Variants in EIF3A observed in about 807,000 individuals in gnomAD.
The protein encoded by EIF3A is eukaryotic translation initiation factor 3 subunit A.
A neutral mutation model predicts 186.6 loss-of-function variants in EIF3A; 21 were observed. The ratio of observed to expected loss-of-function variants is 0.11; its 90% confidence interval spans 0.08 to 0.16. The LOEUF is 0.16. Ranked by LOEUF, EIF3A falls within the 10% of genes least tolerant of loss-of-function variation. The pLI is 1.00. For missense variants in EIF3A, 1,306 were observed against 1,796.3 expected, an observed-to-expected ratio of 0.73 and a Z score of 4.93; for synonymous variants, 563 against 584.3, an observed-to-expected ratio of 0.96 and a Z score of 0.52.
At chr10:119,080,463 A>T (rs1251329478) in intron 1 of EIF3A, 165 bp downstream of exon 1, 1 of 985,248 alleles carries the variant, frequency 1.0e-6, no homozygotes, top group East Asian at 1.1e-4. Context: ...ATAGAGTGAG[A>T]AGGAAACCCA....
At chr10:119,050,384 G>C in intron 16 of EIF3A, 137 bp downstream of exon 16, 1 of 809,266 alleles carries the variant, frequency 1.2e-6, no homozygotes. Flanking sequence ...AGCAAACTGG[G>C]TTCTGAGATC....
At position 119,080,709 on chromosome 10, in the gene EIF3A, C is replaced by T. The variant is rs748702045; in HGVS notation, c.-33G>A. On this transcript the variant is annotated 5_prime_UTR_variant, in exon 1 of 22. Coordinates refer to ENST00000369144, the MANE Select transcript of EIF3A (RefSeq NM_003750.4). ...GCAGGCTCAGCTCACCCGGCGTCAG[C>T]GAACTCTCTAGTGGCCCGGGCCGGG... 1.3e-6 allele frequency: 2 copies of T among 1,577,148 alleles called. No individual in the cohort carries two copies. The highest frequency in any genetic ancestry group is 1.7e-6 in the Non-Finnish European group (2 of 1,162,816).
chr10:119,048,348 G>C (rs758081459), intron 17 of EIF3A, among the ~76,000 whole-genome samples: 1 of 152,114 alleles, frequency 6.6e-6, no homozygotes, highest in African/African-American at 2.4e-5. Context: ...TGTAGGAAAA[G>C]AAAGAAGGAA....
chr10:119,048,709 T>C (rs946823530), intron 17 of EIF3A, among the ~76,000 whole-genome samples: 1 of 151,864 alleles, frequency 6.6e-6, no homozygotes, highest in Non-Finnish European at 1.5e-5. Flanking sequence ...TCTTGCTCTG[T>C]CACCCAGGCT....
At chr10:119,054,953 T>C (rs1303586912) in intron 14 of EIF3A, among the ~76,000 whole-genome samples, 1 of 152,226 alleles carries the variant, frequency 6.6e-6, no homozygotes, top group Non-Finnish European at 1.5e-5. Context: ...CTCACGCCTA[T>C]AATCCCAGCA....
chr10:119,042,700 C>G lies in EIF3A; in HGVS notation c.2820G>C (p.Leu940=), dbSNP rs376194051. Residue 940 remains leucine (L), a synonymous_variant, in exon 19 of 22, where the codon CTG becomes CTC. Coordinates refer to ENST00000369144, the MANE Select transcript of EIF3A (RefSeq NM_003750.4). This position sits in a 1 kb window ranked among gnomAD's most constrained non-coding sequence, Gnocchi z 7.8. ...HRRDEERPRR[L]GDDEDREPSL... ...AGGGCTCTCTATCTTCATCATCCCCCAGACGCCGGGGCCGCTCTTCATCTC... is the reference window on the plus strand; with the variant it reads ...AGGGCTCTCTATCTTCATCATCCCCGAGACGCCGGGGCCGCTCTTCATCTC... The G allele has an allele frequency of 9.3e-6, 15 of 1,614,008 alleles. No individual in the cohort carries two copies. The highest frequency in any genetic ancestry group is 2.7e-5 in the African/African-American group (2 of 74,942).
intron 6 of EIF3A, among the ~76,000 whole-genome samples, chr10:119,067,089 G>A (rs558944518): frequency 2.8e-4 from 43 of 151,996 alleles, no homozygotes; most frequent in Non-Finnish European, 4.7e-4. Flanking sequence ...GGTGGCGCAC[G>A]CCTGTAATCC....
intron 6 of EIF3A, among the ~76,000 whole-genome samples, chr10:119,068,578 A>G (rs1844017036): frequency 6.6e-6 from 1 of 152,298 alleles, no homozygotes; most frequent in Non-Finnish European, 1.5e-5. Context: ...CAGGAAGCTG[A>G]GGCAGGAGAA....
intron 19 of EIF3A, among the ~76,000 whole-genome samples, chr10:119,040,084 G>C (rs929320251): frequency 6.6e-6 from 1 of 152,238 alleles, no homozygotes; most frequent in East Asian, 1.9e-4. Flanking sequence ...AATGAAGTGA[G>C]ACTAGAAGAG....
At chr10:119,061,080 G>A (rs1469687271) in intron 8 of EIF3A, 144 bp downstream of exon 8, 13 of 563,414 alleles carry the variant, frequency 2.3e-5, no homozygotes, top group Non-Finnish European at 3.7e-5. Flanking sequence ...CTTTTCTCTT[G>A]AAATAAAGAA....
rs1299617895 is a variant in EIF3A, at chr10:119,042,640, A to G, written c.2880T>C (p.Arg960=). ...TAGGGCCTCTGTCATCATCCATGCCACGCCGGGGAACCCGATCATCGTCTG... is the reference window on the plus strand; with the variant it reads ...TAGGGCCTCTGTCATCATCCATGCCGCGCCGGGGAACCCGATCATCGTCTG... The part of the protein sequence containing the change: ...LRPDDDRVPR[R]GMDDDRGPRR... The change falls in exon 19 of 22, where the codon CGT becomes CGC. Residue 960 remains arginine, a synonymous_variant. Coordinates refer to ENST00000369144, the MANE Select transcript of EIF3A (RefSeq NM_003750.4). This position sits in a 1 kb window ranked among gnomAD's most constrained non-coding sequence, Gnocchi z 7.8. 1.9e-6 allele frequency: 3 copies of G among 1,613,910 alleles called. No individual in the cohort carries two copies. Among genetic ancestry groups the G allele is most frequent in the African/African-American group, 2.7e-5 (2 of 74,856 alleles).
intron 7 of EIF3A, among the ~76,000 whole-genome samples, chr10:119,062,311 A>G (rs1316384650): frequency 6.6e-6 from 1 of 152,208 alleles, no homozygotes; most frequent in Non-Finnish European, 1.5e-5. Flanking sequence ...ATAATCTACT[A>G]AATTATATTT....
chr10:119,070,561 TA>T (rs1421427280), intron 5 of EIF3A, among the ~76,000 whole-genome samples: 1 of 109,404 alleles, frequency 9.1e-6, no homozygotes, highest in Non-Finnish European at 2.2e-5. Flanking sequence ...ACTCTATACT[TA>T]TTTCATCACA....
At chr10:119,069,168 A>C (rs1199784447) in intron 6 of EIF3A, among the ~76,000 whole-genome samples, 1 of 151,160 alleles carries the variant, frequency 6.6e-6, no homozygotes, top group Non-Finnish European at 1.5e-5. Context: ...CCAACTACTA[A>C]AGTCCAAGAA....
chr10:119,065,275 T>C, intron 7 of EIF3A, 124 bp downstream of exon 7: 1 of 714,454 alleles, frequency 1.4e-6, no homozygotes, highest in Non-Finnish European at 2.4e-6. Context: ...CACCAGTGCT[T>C]CCCTGTCCAT....
At chr10:119,050,423 T>G (rs1213566139) in intron 16 of EIF3A, 98 bp downstream of exon 16, 7 of 1,270,186 alleles carry the variant, frequency 5.5e-6, no homozygotes, top group Non-Finnish European at 7.7e-6. Context: ...AAAGGCCAAT[T>G]ACCTTGATTC....
At chr10:119,047,495 A>T (rs559922245) in intron 17 of EIF3A, among the ~76,000 whole-genome samples, 33 of 152,332 alleles carry the variant, frequency 2.2e-4, no homozygotes, top group African/African-American at 7.2e-4. Context: ...AACAGAAACA[A>T]GAGGCTGAAA....
intron 1 of EIF3A, among the ~76,000 whole-genome samples, chr10:119,074,490 A>G (rs898051007): frequency 1.3e-5 from 2 of 151,864 alleles, no homozygotes; most frequent in African/African-American, 4.8e-5. Context: ...TAAAATAAAT[A>G]ATGTGTCGGT....
intron 18 of EIF3A, among the ~76,000 whole-genome samples, chr10:119,043,236 T>C (rs774901390): frequency 1.3e-5 from 2 of 152,032 alleles, no homozygotes; most frequent in Non-Finnish European, 1.5e-5. Context: ...CTGGCCAACA[T>C]AGTGAAACCT....
Sources: gnomAD v4.1 joint callset for allele counts (sites outside exome capture counted in the v4.1 genomes callset) on GRCh38, gnomAD v4.1.1 for gene constraint, Gnocchi (gnomAD v3.1) non-coding constraint, MANE v1.5 for transcripts, NCBI Gene and HGNC (gene_info 2026-07-23, HGNC 2026-07-21) for gene names.